Variants in PPM1E observed in about 807,000 individuals in gnomAD.
PPM1E encodes protein phosphatase 1E.
Under a neutral mutation model 65.9 loss-of-function variants are expected in PPM1E, and 20 were observed. That is an observed-to-expected ratio of 0.30 (90% CI 0.21 to 0.44). The LOEUF (loss-of-function observed/expected upper bound fraction) is 0.44, where lower values mean the gene tolerates loss of function less well. Ranked by LOEUF, PPM1E falls within the 20% of genes least tolerant of loss-of-function variation. The pLI, the probability that PPM1E is intolerant of heterozygous loss-of-function variation, is 1.00. For synonymous variants in PPM1E, 352 were observed against 374.9 expected, an observed-to-expected ratio of 0.94 and a Z score of 0.70; for missense variants, 713 against 953.1, an observed-to-expected ratio of 0.75 and a Z score of 3.32.
At chr17:58,873,288 T>C (rs2051091418) in intron 1 of PPM1E, among the ~76,000 whole-genome samples, 1 of 152,200 alleles carries the variant, frequency 6.6e-6, no homozygotes, top group African/African-American at 2.4e-5. Context: ...ACTATTTAGT[T>C]CTGTATTATA....
At chr17:58,945,898 T>C (rs1261483027) in intron 1 of PPM1E, among the ~76,000 whole-genome samples, 5 of 152,192 alleles carry the variant, frequency 3.3e-5, no homozygotes, top group African/African-American at 9.6e-5. Context: ...CACATAGTTA[T>C]GTTCATCAAA....
chr17:58,954,714 C>G (rs572869554), intron 1 of PPM1E, among the ~76,000 whole-genome samples: 63 of 152,026 alleles, frequency 4.1e-4, no homozygotes, highest in African/African-American at 1.5e-3. Context: ...CCCATCTCTA[C>G]TAAACATACA....
At chr17:58,813,621 C>T (rs551868029) in intron 1 of PPM1E, among the ~76,000 whole-genome samples, 1 of 152,172 alleles carries the variant, frequency 6.6e-6, no homozygotes, top group South Asian at 2.1e-4. Context: ...TGAGTATGAA[C>T]AATTTGGTTT....
At chr17:58,880,288 C>T (rs1306138732) in intron 1 of PPM1E, among the ~76,000 whole-genome samples, 1 of 152,134 alleles carries the variant, frequency 6.6e-6, no homozygotes, top group East Asian at 1.9e-4. Flanking sequence ...TCTTTTTGCA[C>T]CTGCTGCTTT....
chr17:58,799,285 T>G (rs954962562), intron 1 of PPM1E, among the ~76,000 whole-genome samples: 2 of 152,114 alleles, frequency 1.3e-5, no homozygotes, highest in African/African-American at 2.4e-5. Flanking sequence ...TCACATTAAG[T>G]CTTTTTTTTT....
At chr17:58,876,888 AT>A (rs2051133141) in intron 1 of PPM1E, among the ~76,000 whole-genome samples, 1 of 151,970 alleles carries the variant, frequency 6.6e-6, no homozygotes, top group African/African-American at 2.4e-5. Context: ...GTTTGGGGCC[AT>A]TCTCCTGCCT....
At chr17:58,928,655 G>A (rs997650509) in intron 1 of PPM1E, among the ~76,000 whole-genome samples, 9 of 151,172 alleles carry the variant, frequency 6.0e-5, no homozygotes, top group Non-Finnish European at 1.3e-4. Context: ...CTTGGTATTT[G>A]CCCAAGAAAA....
At chr17:58,834,288 C>T in intron 1 of PPM1E, among the ~76,000 whole-genome samples, 1 of 152,060 alleles carries the variant, frequency 6.6e-6, no homozygotes, top group Non-Finnish European at 1.5e-5. Flanking sequence ...CTTATTGATT[C>T]TAGATATAAA....
intron 1 of PPM1E, among the ~76,000 whole-genome samples, chr17:58,950,801 C>T (rs1425015392): frequency 1.7e-4 from 21 of 127,024 alleles, no homozygotes; most frequent in East Asian, 1.5e-3. Flanking sequence ...TTTTTTGAGA[C>T]GGAGTCTTGC....
intron 1 of PPM1E, among the ~76,000 whole-genome samples, chr17:58,903,008 T>C (rs887392250): frequency 6.6e-6 from 1 of 152,198 alleles, no homozygotes; most frequent in Non-Finnish European, 1.5e-5. Context: ...GAAAAGAATA[T>C]GTCTTTCTTC....
chr17:58,843,203 AGAACCTGGGAGGCGT>A (rs1435678078), intron 1 of PPM1E, among the ~76,000 whole-genome samples: 3 of 151,182 alleles, frequency 2.0e-5, no homozygotes, highest in East Asian at 2.0e-4. Context: ...TGGGAGGCAG[AGAACCTGGGAGGCGT>A]GAACCTGGGA....
At chr17:58,871,168 C>T (rs111531114) in intron 1 of PPM1E, among the ~76,000 whole-genome samples, 2,380 of 152,176 alleles carry the variant, frequency 0.016, 53 homozygotes, top group African/African-American at 0.054. Context: ...TCCCAAGTAG[C>T]TGGGACTACA....
chr17:58,770,860 CT>C (rs781300201), intron 1 of PPM1E, among the ~76,000 whole-genome samples: 4,475 of 136,378 alleles, frequency 0.033, 87 homozygotes, highest in African/African-American at 0.065. Flanking sequence ...TGTAACTTTT[CT>C]TTTTTTTTTT....
chr17:58,945,718 CT>C (rs2052141054), intron 1 of PPM1E, among the ~76,000 whole-genome samples: 1 of 152,130 alleles, frequency 6.6e-6, no homozygotes, highest in African/African-American at 2.4e-5. Context: ...GCTATAATGT[CT>C]TACAAAATTC....
At chr17:58,784,882 A>G (rs1001748421) in intron 1 of PPM1E, among the ~76,000 whole-genome samples, 3 of 152,318 alleles carry the variant, frequency 2.0e-5, no homozygotes, top group Admixed American at 6.5e-5. Context: ...AGAGTTCTCT[A>G]TATATTCTGG....
At chr17:58,905,711 G>C (rs1447915218) in intron 1 of PPM1E, among the ~76,000 whole-genome samples, 1 of 151,954 alleles carries the variant, frequency 6.6e-6, no homozygotes, top group African/African-American at 2.4e-5. Flanking sequence ...TAAAGTAATG[G>C]TAGTCTCATA....
chr17:58,883,801 A>G (rs935739349), intron 1 of PPM1E, among the ~76,000 whole-genome samples: 1 of 152,154 alleles, frequency 6.6e-6, no homozygotes, highest in Non-Finnish European at 1.5e-5. Flanking sequence ...CTGTTCTTAA[A>G]TAAGAATAGG....
At chr17:58,943,901 G>T (rs1272972131) in intron 1 of PPM1E, among the ~76,000 whole-genome samples, 1 of 152,102 alleles carries the variant, frequency 6.6e-6, no homozygotes. Context: ...AACAGTGCCT[G>T]GTACATAGTA....
chr17:58,776,853 G>A (rs1443214579), intron 1 of PPM1E, among the ~76,000 whole-genome samples: 5 of 152,126 alleles, frequency 3.3e-5, no homozygotes, highest in Non-Finnish European at 5.9e-5. Flanking sequence ...AAATTAGAGA[G>A]AAACCCAGAA....
Sources: gnomAD v4.1 joint callset for allele counts (sites outside exome capture counted in the v4.1 genomes callset) on GRCh38, gnomAD v4.1.1 for gene constraint, MANE v1.5 for transcripts, NCBI Gene and HGNC (gene_info 2026-07-23, HGNC 2026-07-21) for gene names.